The following PLEKHA3 variants were observed in gnomAD, a reference collection of about 807,000 sequenced individuals.
PLEKHA3 encodes the protein pleckstrin homology domain-containing family A member 3.
A neutral mutation model predicts 39.2 loss-of-function variants in PLEKHA3; 19 were observed. That is an observed-to-expected ratio of 0.48 (90% CI 0.34 to 0.71). The LOEUF is 0.71. Among genes scored for constraint, PLEKHA3 ranks in the 30% least tolerant of loss-of-function variants. The pLI is 0.01. For synonymous variants in PLEKHA3, 97 were observed against 118.6 expected (o/e 0.82, Z 1.18); for missense variants, 253 against 359.5 (o/e 0.70, Z 2.40).
intron 4 of PLEKHA3, 38 bp from the exon 5 acceptor site, chr2:178,495,458 G>A: frequency 6.3e-7 from 1 of 1,599,476 alleles, no homozygotes. Flanking sequence ...CCATGTAGTT[G>A]TATGCAAATC....
At position 178,490,676 on chromosome 2, in the gene PLEKHA3, A is replaced by G; in HGVS notation, c.175A>G (p.Thr59Ala). Residue 59 changes from threonine to alanine, a missense_variant, in exon 3 of 8, where the codon ACA becomes GCA. By Grantham distance (58) the Thr-to-Ala change is moderately conservative. Transcript: ENST00000234453. ...CEIKVHSADNTRMELIIPGEQ... is the reference protein window; with the variant it reads ...CEIKVHSADNARMELIIPGEQ... ...CATCATAGTTCATTCAGCAGACAAC[A>G]CAAGAATGGAATTAATCATTCCTGG... is the stretch of plus-strand genomic sequence containing the variant. 1 of 1,613,746 alleles carries G rather than the reference A, an allele frequency of 6.2e-7. No homozygotes were observed. The highest frequency in any genetic ancestry group is 8.5e-7 in the Non-Finnish European group (1 of 1,179,720).
chr2:178,490,004 T>TG (rs1685318889), intron 2 of PLEKHA3, among the ~76,000 whole-genome samples: 1 of 152,240 alleles, frequency 6.6e-6, no homozygotes, highest in African/African-American at 2.4e-5. Flanking sequence ...TGTTGATGAA[T>TG]GACAGCTTAA....
chr2:178,507,857 G>T lies in PLEKHA3; in HGVS notation c.*3970G>T, dbSNP rs1269311722. The T allele has an allele frequency of 3.9e-5, 6 of 153,174 alleles. No individual in the cohort carries two copies. The highest frequency in any genetic ancestry group is 1.5e-4 in the African/African-American group (6 of 41,242). The allele number at this position is 153,174 out of a possible 1,614,324, so 9.5% of individuals were successfully genotyped here. On this transcript the variant is annotated 3_prime_UTR_variant, in exon 8 of 8. Transcript: ENST00000234453. ...AAGGGCAACATTTCATTGTCTTAAG[G>T]CATTTAGTTTTTCTGTGAGAATTCT...
intron 2 of PLEKHA3, among the ~76,000 whole-genome samples, chr2:178,487,428 T>C (rs1685267622): frequency 6.6e-6 from 1 of 151,978 alleles, no homozygotes; most frequent in Non-Finnish European, 1.5e-5. Context: ...TTTCTTTTTT[T>C]TCTTTTCTTT....
intron 1 of PLEKHA3, among the ~76,000 whole-genome samples, chr2:178,484,899 AT>A (rs1685222304): frequency 6.6e-6 from 1 of 152,238 alleles, no homozygotes; most frequent in Non-Finnish European, 1.5e-5. Flanking sequence ...TAGTCACTGA[AT>A]AAATATCAAT....
rs1406277900 is a variant in PLEKHA3, at chr2:178,480,992, T to C, written c.40+83T>C. The stretch of plus-strand genomic sequence containing the variant: ...GGGTCGGGGCTCCTCTTCCTCCGTC[T>C]GGCCTCCGCGGACCCTCAGAGCGAA... On this transcript the variant is annotated intron_variant, in intron 1 of 7. Coordinates refer to ENST00000234453, the MANE Select transcript of PLEKHA3 (RefSeq NM_019091.4). 1.1e-5 allele frequency: 14 copies of C among 1,229,490 alleles called. No homozygotes were observed. The East Asian group carries it at 4.0e-4, about 35-fold the overall frequency. The allele number at this position is 1,229,490 out of a possible 1,614,324, so 76.2% of individuals were successfully genotyped here.
chr2:178,488,943 A>G (rs1339530733), intron 2 of PLEKHA3: 4 of 454,278 alleles, frequency 8.8e-6, no homozygotes, highest in African/African-American at 8.1e-5. Context: ...TGGAAGCATC[A>G]TTTTTAAGTT....
Position 178,508,060 on chromosome 2 carries a change from T to TG in PLEKHA3, c.*4174dup, listed in dbSNP as rs1685631858. On this transcript the variant is annotated 3_prime_UTR_variant, in exon 8 of 8. Coordinates refer to ENST00000234453, the MANE Select transcript of PLEKHA3 (RefSeq NM_019091.4). The stretch of plus-strand genomic sequence containing the variant: ...TCTGCTTCAGTTCTGGGTGTGTGTG[T>TG]GTGTGTGTGTGTGTGTGTGTGTGTG... The TG allele has an allele frequency of 6.6e-6, 1 of 151,242 alleles. No individual in the cohort carries two copies. The highest frequency in any genetic ancestry group is 6.7e-5 in the Admixed American group (1 of 15,012). The allele number at this position is 151,242 out of a possible 1,614,324, so 9.4% of individuals were successfully genotyped here.
chr2:178,489,034 A>G, intron 2 of PLEKHA3: 1 of 433,124 alleles, frequency 2.3e-6, no homozygotes, highest in Non-Finnish European at 4.7e-6. Flanking sequence ...AAAATGAGTC[A>G]TCTTATTTTA....
At chr2:178,486,739 G>A (rs1267676397) in intron 2 of PLEKHA3, among the ~76,000 whole-genome samples, 1 of 152,172 alleles carries the variant, frequency 6.6e-6, no homozygotes, top group East Asian at 1.9e-4. Context: ...TCCATTGTGT[G>A]AATATCTCAC....
In PLEKHA3 at chr2:178,488,846, T is replaced by G. The variant is rs763552374; in HGVS notation, c.158-1813T>G. 9.5e-6 allele frequency: 3 copies of G among 314,630 alleles called. No homozygotes were observed. In the East Asian group the frequency reaches 2.8e-4, roughly 30 times the overall value. 19.5% of individuals were successfully genotyped at this position (314,630 alleles called of 1,614,324 possible). ...GATGATATTGAGTCTTCTGTTCCATTAACTCTGTTTAATTAGATATTTAAT... is the reference window on the plus strand; with the variant it reads ...GATGATATTGAGTCTTCTGTTCCATGAACTCTGTTTAATTAGATATTTAAT... On this transcript the variant is annotated intron_variant, in intron 2 of 7. Transcript: ENST00000234453.
Position 178,504,049 on chromosome 2 carries a change from T to C in PLEKHA3, c.*162T>C. The C allele has an allele frequency of 6.1e-6, 4 of 654,184 alleles. No homozygotes were observed. Among genetic ancestry groups the C allele is most frequent in the Non-Finnish European group, 9.6e-6 (4 of 414,596 alleles). The allele number at this position is 654,184 out of a possible 1,614,324, so 40.5% of individuals were successfully genotyped here. ...CAAACCACATACTTTTGAAGTGTAT[T>C]TTATCTTTATATAGTTTGTTTGCAA... On this transcript the variant is annotated 3_prime_UTR_variant, in exon 8 of 8. Coordinates refer to ENST00000234453, the MANE Select transcript of PLEKHA3 (RefSeq NM_019091.4).
chr2:178,493,211 C>G (rs16866342), intron 3 of PLEKHA3, among the ~76,000 whole-genome samples: 39,365 of 151,842 alleles, frequency 0.26, 6,174 homozygotes, highest in East Asian at 0.66. Context: ...TTTGTCTGGA[C>G]ATACTAAGGA....
chr2:178,497,181 G>GTT (rs1367798062), intron 5 of PLEKHA3, among the ~76,000 whole-genome samples: 5 of 150,822 alleles, frequency 3.3e-5, no homozygotes, highest in Non-Finnish European at 5.9e-5. Flanking sequence ...AATTGAGCCC[G>GTT]TTATATATAT....
chr2:178,494,260 C>T (rs1246334298), intron 4 of PLEKHA3, among the ~76,000 whole-genome samples: 1 of 152,196 alleles, frequency 6.6e-6, no homozygotes, highest in Non-Finnish European at 1.5e-5. Flanking sequence ...GGGGAAGAAG[C>T]ATTCCAGGCT....
chr2:178,481,005 C>T, intron 1 of PLEKHA3, 96 bp downstream of exon 1: 5 of 1,146,756 alleles, frequency 4.4e-6, no homozygotes, highest in Non-Finnish European at 5.7e-6. Flanking sequence ...CCTCCGCGGA[C>T]CCTCAGAGCG....
intron 5 of PLEKHA3, 144 bp downstream of exon 5, chr2:178,495,804 T>C: frequency 1.2e-6 from 1 of 859,440 alleles, no homozygotes; most frequent in Non-Finnish European, 1.8e-6. Flanking sequence ...TTGTTTGTAC[T>C]GTTTCATATT....
At chr2:178,490,853 TTAAATA>T in intron 3 of PLEKHA3, 39 bp downstream of exon 3, 1 of 1,497,228 alleles carries the variant, frequency 6.7e-7, no homozygotes, top group Non-Finnish European at 9.0e-7. Context: ...GAGTACTTTC[TTAAATA>T]TAAATATAAA....
At position 178,485,852 on chromosome 2, in the gene PLEKHA3, G is replaced by T. The variant is rs535626591; in HGVS notation, c.157+95G>T. On this transcript the variant is annotated intron_variant, in intron 2 of 7. Coordinates refer to ENST00000234453, the MANE Select transcript of PLEKHA3 (RefSeq NM_019091.4). Reference sequence around the variant, plus strand: ...GAGGAAAAAAAGCATTTCTAACCACGTAGGGATCATCTAATACCATTTATA... The same window carrying T: ...GAGGAAAAAAAGCATTTCTAACCACTTAGGGATCATCTAATACCATTTATA... The T allele has an allele frequency of 1.4e-5, 12 of 858,472 alleles. No homozygotes were observed. In the South Asian group the frequency reaches 1.6e-4, roughly 11 times the overall value. 53.2% of individuals were successfully genotyped at this position (858,472 alleles called of 1,614,324 possible).
Sources: allele counts gnomAD v4.1 joint callset (sites outside exome capture counted in the v4.1 genomes callset), GRCh38; gene constraint gnomAD v4.1.1; transcripts MANE v1.5; gene names NCBI Gene and HGNC (gene_info 2026-07-23, HGNC 2026-07-21).